Variants in KIFAP3 observed in about 807,000 individuals in gnomAD.
KIFAP3 encodes the protein kinesin-associated protein 3.
KIFAP3 carries 68 observed loss-of-function variants against 106.5 expected under a neutral mutation model. The ratio of observed to expected loss-of-function variants is 0.64; its 90% CI spans 0.53 to 0.78. KIFAP3 has a LOEUF of 0.78. Ranked by LOEUF, KIFAP3 falls within the 30% of genes least tolerant of loss-of-function variation. The pLI, the probability that KIFAP3 is intolerant of heterozygous loss-of-function variation, is 0.00. For missense variants in KIFAP3, 780 were observed against 941.8 expected, an observed-to-expected ratio of 0.83 and a Z score of 2.25; for synonymous variants, 320 against 311.5, an observed-to-expected ratio of 1.03 and a Z score of -0.29.
intron 19 of KIFAP3, among the ~76,000 whole-genome samples, chr1:169,946,019 G>C (rs959565430): frequency 3.9e-5 from 6 of 152,122 alleles, no homozygotes; most frequent in African/African-American, 1.4e-4. Flanking sequence ...GTCTCTCTAA[G>C]AAGTCTAAAC....
At chr1:169,945,871 C>A (rs1439018394) in intron 19 of KIFAP3, among the ~76,000 whole-genome samples, 1 of 152,132 alleles carries the variant, frequency 6.6e-6, no homozygotes, top group Non-Finnish European at 1.5e-5. Context: ...GTGTGATAAT[C>A]TAATAAAATC....
At chr1:169,957,719 C>T (rs1019473448) in intron 18 of KIFAP3, among the ~76,000 whole-genome samples, 4 of 152,008 alleles carry the variant, frequency 2.6e-5, no homozygotes, top group African/African-American at 9.7e-5. Flanking sequence ...CCTCCACCTC[C>T]GGGTTCAAGC....
At chr1:169,923,715 A>C (rs913906526) in intron 19 of KIFAP3, among the ~76,000 whole-genome samples, 26 of 152,202 alleles carry the variant, frequency 1.7e-4, no homozygotes, top group Non-Finnish European at 2.9e-5. Flanking sequence ...AGGCACCTTC[A>C]GAGTATCTCA....
chr1:169,993,145 T>C (rs1242601927), intron 10 of KIFAP3, among the ~76,000 whole-genome samples: 3 of 149,946 alleles, frequency 2.0e-5, no homozygotes, highest in Non-Finnish European at 4.4e-5. Flanking sequence ...TCTCACTCTG[T>C]CGCCCAGGCC....
At chr1:169,970,299 C>T (rs936830491) in intron 17 of KIFAP3, among the ~76,000 whole-genome samples, 4 of 152,064 alleles carry the variant, frequency 2.6e-5, no homozygotes, top group African/African-American at 7.2e-5. Context: ...GCCACAGAGA[C>T]TGTATCATGT....
At chr1:170,006,194 G>A (rs1667951541) in intron 10 of KIFAP3, among the ~76,000 whole-genome samples, 1 of 152,174 alleles carries the variant, frequency 6.6e-6, no homozygotes, top group African/African-American at 2.4e-5. Context: ...AGGGCAAAGG[G>A]AAGACTCAAG....
chr1:170,015,037 G>T (rs1422023729), intron 10 of KIFAP3, among the ~76,000 whole-genome samples: 4 of 152,020 alleles, frequency 2.6e-5, no homozygotes, highest in Non-Finnish European at 4.4e-5. Flanking sequence ...CAAGAAACTG[G>T]GCTCCAAAGG....
intron 9 of KIFAP3, among the ~76,000 whole-genome samples, chr1:170,023,027 G>C (rs943118142): frequency 2.0e-5 from 3 of 151,890 alleles, no homozygotes; most frequent in Non-Finnish European, 4.4e-5. Flanking sequence ...TATAGCAAGG[G>C]GAAGCAATTA....
At chr1:169,988,664 A>C (rs775452706) in intron 11 of KIFAP3, among the ~76,000 whole-genome samples, 4 of 151,950 alleles carry the variant, frequency 2.6e-5, no homozygotes, top group African/African-American at 4.8e-5. Context: ...TTAATTCCTG[A>C]AGGAAACTTG....
Position 169,992,188 on chromosome 1 carries a change from T to C in KIFAP3, c.1251A>G (p.Lys417=), listed in dbSNP as rs1319169074. Residue 417 remains lysine (K), a synonymous_variant, in exon 11 of 20, where the codon AAA becomes AAG. Coordinates refer to ENST00000361580, the MANE Select transcript of KIFAP3 (RefSeq NM_014970.4). ...LYHISMDDRF[K]SMFAYTDCIP... is the part of the protein sequence containing the mutation. ...TACAGTCAGTGTATGCAAACATTGATTTAAAGCGGTCATCCATGCTTATGT... is the reference window on the plus strand; with the variant it reads ...TACAGTCAGTGTATGCAAACATTGACTTAAAGCGGTCATCCATGCTTATGT... The C allele has an allele frequency of 6.3e-7, 1 of 1,583,088 alleles. No homozygotes were observed. Among genetic ancestry groups the C allele is most frequent in the Admixed American group, 1.8e-5 (1 of 55,598 alleles).
At chr1:170,007,016 G>A (rs1326464258) in intron 10 of KIFAP3, among the ~76,000 whole-genome samples, 2 of 152,160 alleles carry the variant, frequency 1.3e-5, no homozygotes, top group Admixed American at 6.6e-5. Flanking sequence ...GGATATTTAG[G>A]AGGAAAGCTA....
intron 19 of KIFAP3, among the ~76,000 whole-genome samples, chr1:169,948,176 T>G (rs188017634): frequency 3.9e-5 from 6 of 151,956 alleles, no homozygotes; most frequent in African/African-American, 1.4e-4. Context: ...CCAAATGCCT[T>G]TCATAAAGGT....
chr1:170,009,136 G>C (rs1218721498), intron 10 of KIFAP3, among the ~76,000 whole-genome samples: 1 of 152,046 alleles, frequency 6.6e-6, no homozygotes, highest in African/African-American at 2.4e-5. Flanking sequence ...AATAGCATTA[G>C]GAGAAATACC....
At chr1:169,973,180 C>A in intron 16 of KIFAP3, among the ~76,000 whole-genome samples, 1 of 120,952 alleles carries the variant, frequency 8.3e-6, no homozygotes, top group African/African-American at 3.1e-5. Flanking sequence ...AGAAAAGAAC[C>A]AAAAACAAAA....
intron 17 of KIFAP3, among the ~76,000 whole-genome samples, chr1:169,969,009 C>T (rs1354345448): frequency 1.3e-5 from 2 of 151,754 alleles, no homozygotes; most frequent in Non-Finnish European, 2.9e-5. Flanking sequence ...CTCATTAAAC[C>T]CAATTAGAGT....
intron 19 of KIFAP3, among the ~76,000 whole-genome samples, chr1:169,941,658 C>T (rs116684351): frequency 2.0e-5 from 3 of 151,746 alleles, no homozygotes; most frequent in Admixed American, 2.0e-4. Context: ...TATAAATATA[C>T]AATAAAATAT....
At chr1:170,033,140 A>G (rs1669502071) in intron 7 of KIFAP3, among the ~76,000 whole-genome samples, 1 of 151,768 alleles carries the variant, frequency 6.6e-6, no homozygotes. Context: ...CTATCAATCT[A>G]GATGCCAGAA....
In KIFAP3 at chr1:170,022,432, TA is replaced by T. The variant is rs928043700; in HGVS notation, c.1020+1985del. Among the ~76,000 whole-genome samples the T allele has an allele frequency of 5.0e-3, 737 of 148,036 alleles. 11 individuals are homozygous for T. The highest frequency in any genetic ancestry group is 0.017 in the African/African-American group (684 of 40,568). The stretch of plus-strand genomic sequence containing the variant: ...TTGTTAATCTTACTAAAAATGTCTT[TA>T]AAAAAAAAAGACCTAAGATATTTTT... On this transcript the variant is annotated intron_variant, in intron 9 of 19. Coordinates refer to ENST00000361580, the MANE Select transcript of KIFAP3 (RefSeq NM_014970.4).
chr1:169,936,614 C>G (rs975506888), intron 19 of KIFAP3, among the ~76,000 whole-genome samples: 4 of 151,572 alleles, frequency 2.6e-5, no homozygotes, highest in African/African-American at 9.7e-5. Context: ...AAATCTGAAC[C>G]TACTTACTTT....
Sources: gnomAD v4.1 joint callset for allele counts (sites outside exome capture counted in the v4.1 genomes callset) on GRCh38, gnomAD v4.1.1 for gene constraint, MANE v1.5 for transcripts, NCBI Gene and HGNC (gene_info 2026-07-23, HGNC 2026-07-21) for gene names.